The following INTU variants were observed in gnomAD, a reference collection of about 807,000 sequenced individuals.
INTU encodes protein inturned.
In INTU, 68 loss-of-function variants were observed where a neutral mutation model predicts 100.5. That is an observed-to-expected ratio of 0.68 (90% CI 0.56 to 0.83). The LOEUF is 0.83. Ranked by LOEUF, INTU falls within the 40% of genes least tolerant of loss-of-function variation. The pLI, the probability that INTU is intolerant of heterozygous loss-of-function variation, is 0.00. For synonymous variants in INTU, 357 were observed against 395.7 expected (o/e 0.90, Z 1.16); for missense variants, 1,071 against 1,114.7 (o/e 0.96, Z 0.56).
chr4:127,695,898 T>C (rs1730360398), intron 8 of INTU, among the ~76,000 whole-genome samples: 1 of 152,164 alleles, frequency 6.6e-6, no homozygotes, highest in Non-Finnish European at 1.5e-5. Flanking sequence ...GTTTTTATCA[T>C]GAAGGGGTAT....
chr4:127,678,175 C>CTGCAGAATATTA (rs1475625983), intron 6 of INTU, among the ~76,000 whole-genome samples: 1 of 152,188 alleles, frequency 6.6e-6, no homozygotes, highest in East Asian at 1.9e-4. Context: ...GGAAAACACT[C>CTGCAGAATATTA]TGCAGAATAT....
At chr4:127,663,666 A>G in intron 4 of INTU, 82 bp downstream of exon 4, 1 of 991,650 alleles carries the variant, frequency 1.0e-6, no homozygotes, top group Non-Finnish European at 1.5e-6. Context: ...TCGTATTCCC[A>G]GTGAATAGTG....
Position 127,720,958 on chromosome 4 carries a change from A to C in INTU, c.*4522A>C, listed in dbSNP as rs553611123. 6.6e-6 allele frequency: 1 copy of C among 152,240 alleles called. No homozygotes were observed. The highest frequency in any genetic ancestry group is 3.4e-3 in the Middle Eastern group (1 of 294). 9.4% of individuals were successfully genotyped at this position (152,240 alleles called of 1,614,324 possible). A position where few individuals can be genotyped will look rare whatever the true frequency, so the allele number is the denominator to read the frequency against. On this transcript the variant is annotated 3_prime_UTR_variant, in exon 16 of 16. Transcript: ENST00000335251. ...TCTGCGTCTTTTATTTGGGGCATTT[A>C]GTGCATTTACATTTAAGGTTAATAT... is the stretch of plus-strand genomic sequence containing the variant.
rs1731409323 is a variant in INTU, at chr4:127,725,819, G to A, written c.*9383G>A. ...ATTTTTTCATTTCTAAATGGATATT[G>A]AACTAAGCTCTGAAGGCAAACTTAG... On this transcript the variant is annotated 3_prime_UTR_variant, in exon 16 of 16. Coordinates refer to ENST00000335251, the MANE Select transcript of INTU (RefSeq NM_015693.4). The A allele has an allele frequency of 6.6e-6, 1 of 152,050 alleles. No individual in the cohort carries two copies. The highest frequency in any genetic ancestry group is 1.5e-5 in the Non-Finnish European group (1 of 68,028). 9.4% of individuals were successfully genotyped at this position (152,050 alleles called of 1,614,324 possible). A position where few individuals can be genotyped will look rare whatever the true frequency, so the allele number is the denominator to read the frequency against.
At position 127,684,901 on chromosome 4, in the gene INTU, G is replaced by T. The variant is rs554330026; in HGVS notation, c.1259+415G>T. ...TTGATATATTTCTGTAGGGGCAAAT[G>T]TAAGAGTATTTCTTCATAACAGATA... is the stretch of plus-strand genomic sequence containing the variant. On this transcript the variant is annotated intron_variant, in intron 7 of 15. Transcript: ENST00000335251. Among the ~76,000 whole-genome samples, 419 of 151,930 alleles carry T rather than the reference G, an allele frequency of 2.8e-3. 4 individuals are homozygous for T. Among genetic ancestry groups the T allele is most frequent in the African/African-American group, 9.5e-3 (393 of 41,468 alleles).
chr4:127,679,118 C>T (rs967470985), intron 6 of INTU, among the ~76,000 whole-genome samples: 1 of 151,590 alleles, frequency 6.6e-6, no homozygotes, highest in African/African-American at 2.4e-5. Context: ...CCTGAGTGAC[C>T]TACAAAGAGA....
intron 8 of INTU, 44 bp downstream of exon 8, chr4:127,687,911 A>T: frequency 7.7e-7 from 1 of 1,299,184 alleles, no homozygotes; most frequent in Non-Finnish European, 1.0e-6. Context: ...CAGGTGCCTT[A>T]TTATAATCTT....
intron 3 of INTU, among the ~76,000 whole-genome samples, chr4:127,661,488 T>C (rs1475429852): frequency 6.6e-6 from 1 of 152,158 alleles, no homozygotes; most frequent in Admixed American, 6.5e-5. Flanking sequence ...CCACTTCTTA[T>C]GCACAACTCT....
intron 8 of INTU, among the ~76,000 whole-genome samples, chr4:127,691,962 G>GTGTATATATATATATATATATATA: frequency 0.021 from 2,041 of 97,932 alleles, 294 homozygotes; most frequent in Non-Finnish European, 0.025. Context: ...TCCATGGTAT[G>GTGTATATATATATATATATATATA]TATATATATA....
chr4:127,641,083 T>C (rs760511771), intron 1 of INTU, among the ~76,000 whole-genome samples: 29 of 152,024 alleles, frequency 1.9e-4, no homozygotes, highest in Non-Finnish European at 3.2e-4. Flanking sequence ...CTCACATATT[T>C]TTCCTACTTT....
At position 127,706,848 on chromosome 4, in the gene INTU, A is replaced by G. The variant is rs1318726822; in HGVS notation, c.2150A>G (p.Asp717Gly). 6.2e-7 allele frequency: 1 copy of G among 1,614,014 alleles called. No individual in the cohort carries two copies. Among genetic ancestry groups the G allele is most frequent in the Admixed American group, 1.7e-5 (1 of 59,978 alleles). ...PSPSCSSGGS[D>G]NGCEGGEDDG... Reference sequence around the variant, plus strand: ...CCTTCCTGTAGTAGTGGAGGATCTGACAATGGTTGTGAAGGTGGAGAAGAT... The same window carrying G: ...CCTTCCTGTAGTAGTGGAGGATCTGGCAATGGTTGTGAAGGTGGAGAAGAT... Residue 717 changes from aspartate to glycine, a missense_variant, in exon 12 of 16, where the codon GAC becomes GGC. Coordinates refer to ENST00000335251, the MANE Select transcript of INTU (RefSeq NM_015693.4).
chr4:127,666,356 A>AC (rs1451549215), intron 4 of INTU, among the ~76,000 whole-genome samples: 2 of 152,000 alleles, frequency 1.3e-5, no homozygotes, highest in Non-Finnish European at 2.9e-5. Flanking sequence ...CTTTGACTAA[A>AC]CTTATTGCTT....
intron 2 of INTU, among the ~76,000 whole-genome samples, chr4:127,645,789 C>T (rs1402322393): frequency 2.0e-5 from 3 of 152,012 alleles, no homozygotes; most frequent in African/African-American, 7.2e-5. Flanking sequence ...GTCTTGAACT[C>T]CTGACCTCAG....
intron 3 of INTU, among the ~76,000 whole-genome samples, chr4:127,657,134 C>T (rs1728267183): frequency 6.6e-6 from 1 of 151,900 alleles, no homozygotes; most frequent in African/African-American, 2.4e-5. Context: ...ATTTTAAAAA[C>T]AAATCATACA....
chr4:127,683,027 T>C lies in INTU; in HGVS notation c.1182-1382T>C, dbSNP rs1237626337. ...CTCTGATGACACCAGCCGAATCAGC[T>C]AGGCAGAGACAGTTTCCAGGTGAGT... On this transcript the variant is annotated intron_variant, in intron 6 of 15. Coordinates refer to ENST00000335251, the MANE Select transcript of INTU (RefSeq NM_015693.4). Among the ~76,000 whole-genome samples the C allele has an allele frequency of 2.7e-4, 41 of 152,158 alleles. 1 individual carries two copies. The highest frequency in any genetic ancestry group is 2.7e-3 in the Admixed American group (41 of 15,262).
chr4:127,699,077 GA>G (rs201913830), intron 8 of INTU, among the ~76,000 whole-genome samples: 9 of 148,056 alleles, frequency 6.1e-5, no homozygotes, highest in Non-Finnish European at 1.3e-4. Context: ...GGCCTTTAAA[GA>G]AAAAAAAAAG....
intron 7 of INTU, chr4:127,685,301 C>T (rs1356257995): frequency 5.1e-6 from 1 of 195,848 alleles, no homozygotes; most frequent in East Asian, 1.5e-4. Flanking sequence ...TTTCTGAGGG[C>T]TAAAATGGTA....
intron 15 of INTU, among the ~76,000 whole-genome samples, chr4:127,714,692 T>C (rs780337378): frequency 2.6e-5 from 4 of 152,138 alleles, no homozygotes; most frequent in Non-Finnish European, 5.9e-5. Flanking sequence ...TCAGTTATTC[T>C]CTATATGACT....
chr4:127,663,570 A>G lies in INTU; in HGVS notation c.958A>G (p.Thr320Ala). 1 of 1,613,052 alleles carries G rather than the reference A, an allele frequency of 6.2e-7. No homozygotes were observed. Residue 320 changes from threonine to alanine, a missense_variant, in exon 4 of 16, where the codon ACC (threonine) becomes GCC (alanine). Transcript: ENST00000335251. ...TCTCACACTACAGCTCGACTCAGAA[A>G]CCTCAAAGGAAGAGGTGAGTGTCCT... The part of the protein sequence containing the change: ...MYLTLQLDSE[T>A]SKEEQEILYH...
Sources: gnomAD v4.1 joint callset for allele counts (sites outside exome capture counted in the v4.1 genomes callset) on GRCh38, gnomAD v4.1.1 for gene constraint, MANE v1.5 for transcripts, NCBI Gene and HGNC (gene_info 2026-07-23, HGNC 2026-07-21) for gene names.